The following ATP5MK variants were observed in gnomAD, a reference collection of about 807,000 sequenced individuals.
ATP5MK encodes ATP synthase F(0) complex subunit k, mitochondrial.
A neutral mutation model predicts 6.6 loss-of-function variants in ATP5MK; 5 were observed. The observed-to-expected ratio is 0.76, with a 90% confidence interval of 0.40 to 1.60. The LOEUF (loss-of-function observed/expected upper bound fraction) is 1.60. Among genes scored for constraint, ATP5MK ranks in the 40% most tolerant of loss-of-function variants. The probability of loss-of-function intolerance (pLI) is 0.02; values close to 1 mark genes in which losing one functional copy is unlikely to be tolerated. For missense variants in ATP5MK, 57 were observed against 66.6 expected (o/e 0.86, Z 0.50); for synonymous variants, 30 against 24.5 (o/e 1.22, Z -0.66).
At chr10:103,393,716 C>G (rs1255869248) in intron 2 of ATP5MK, among the ~76,000 whole-genome samples, 4 of 151,924 alleles carry the variant, frequency 2.6e-5, no homozygotes, top group African/African-American at 9.7e-5. Flanking sequence ...AGGAATTTAC[C>G]CTTATTGAAA....
chr10:103,393,157 C>A (rs2093419470), intron 2 of ATP5MK, among the ~76,000 whole-genome samples: 1 of 151,822 alleles, frequency 6.6e-6, no homozygotes, highest in African/African-American at 2.4e-5. Flanking sequence ...AAACATAAAA[C>A]CTATTAGTCA....
chr10:103,390,318 C>A (rs546838886), intron 4 of ATP5MK, among the ~76,000 whole-genome samples: 1 of 151,984 alleles, frequency 6.6e-6, no homozygotes, highest in Non-Finnish European at 1.5e-5. Context: ...ATCACAAAAC[C>A]CTGTCTACCA....
At chr10:103,390,448 C>A (rs981381689) in intron 4 of ATP5MK, among the ~76,000 whole-genome samples, 1 of 151,522 alleles carries the variant, frequency 6.6e-6, no homozygotes, top group African/African-American at 2.4e-5. Flanking sequence ...GATCTGAGAT[C>A]GCACCACTTC....
chr10:103,389,907 T>C (rs1280179557), intron 4 of ATP5MK, among the ~76,000 whole-genome samples: 1 of 150,106 alleles, frequency 6.7e-6, no homozygotes, highest in African/African-American at 2.5e-5. Context: ...AATTTTTATA[T>C]TTTTAGTAGA....
chr10:103,389,059 T>C lies in ATP5MK; in HGVS notation c.*111A>G, dbSNP rs1277204104. The stretch of plus-strand genomic sequence containing the variant: ...AATAAAGACAACCAGCTTTTCCAGG[T>C]TCATAATTTATTGTACAAATTGAAT... On this transcript the variant is annotated 3_prime_UTR_variant, in exon 5 of 5. Transcript: ENST00000369815. 6.6e-6 allele frequency: 1 copy of C among 152,666 alleles called. No homozygotes were observed. Among genetic ancestry groups the C allele is most frequent in the Non-Finnish European group, 1.5e-5 (1 of 68,042 alleles). The allele number at this position is 152,666 out of a possible 1,614,324, so 9.5% of individuals were successfully genotyped here.
rs1411487005 is a variant in ATP5MK, at chr10:103,395,946, T to C, written c.-210A>G. The C allele has an allele frequency of 6.6e-6, 1 of 152,248 alleles. No individual in the cohort carries two copies. Among genetic ancestry groups the C allele is most frequent in the Non-Finnish European group, 1.5e-5 (1 of 68,076 alleles). The allele number at this position is 152,248 out of a possible 1,614,324, so 9.4% of individuals were successfully genotyped here. A position where few individuals can be genotyped will look rare whatever the true frequency, so the allele number is the denominator to read the frequency against. ...GGCGAACTGTAGGGGCCGGGCCACATTCACTCGCTTTGAAAAAGGCTGCAG... is the reference window on the plus strand; with the variant it reads ...GGCGAACTGTAGGGGCCGGGCCACACTCACTCGCTTTGAAAAAGGCTGCAG... On this transcript the variant is annotated 5_prime_UTR_variant, in exon 2 of 5. It removes an upstream start codon present in the reference 5' UTR. Transcript: ENST00000369815.
intron 3 of ATP5MK, 39 bp from the exon 4 acceptor site, chr10:103,392,322 C>T (rs2093417006): frequency 6.3e-7 from 1 of 1,596,330 alleles, no homozygotes; most frequent in East Asian, 2.2e-5. Flanking sequence ...ACTTGTTGTT[C>T]CATCTATATT....
chr10:103,394,461 T>C, intron 2 of ATP5MK: 1 of 419,290 alleles, frequency 2.4e-6, no homozygotes, highest in Non-Finnish European at 5.2e-6. Flanking sequence ...AACTCCCCCA[T>C]TCAAAGGCTT....
At chr10:103,391,949 T>A (rs1468380618) in intron 4 of ATP5MK, among the ~76,000 whole-genome samples, 1 of 152,040 alleles carries the variant, frequency 6.6e-6, no homozygotes, top group African/African-American at 2.4e-5. Context: ...TTGGTAGAGA[T>A]GGGGTTTCAT....
chr10:103,393,972 A>G (rs2093422335), intron 2 of ATP5MK, among the ~76,000 whole-genome samples: 1 of 152,242 alleles, frequency 6.6e-6, no homozygotes, highest in Non-Finnish European at 1.5e-5. Context: ...TCTTGTCCCT[A>G]GACCAGCAGC....
chr10:103,393,353 G>A (rs559001730), intron 2 of ATP5MK, among the ~76,000 whole-genome samples: 7 of 152,196 alleles, frequency 4.6e-5, no homozygotes, highest in East Asian at 3.9e-4. Flanking sequence ...AGGCCAAGGC[G>A]GGTGGATGCG....
chr10:103,391,549 C>T (rs1018264736), intron 4 of ATP5MK, among the ~76,000 whole-genome samples: 2 of 152,160 alleles, frequency 1.3e-5, no homozygotes, highest in Non-Finnish European at 2.9e-5. Flanking sequence ...CTCTTGTCCC[C>T]CAGGCTGGAG....
At chr10:103,395,278 G>C (rs746151739) in intron 2 of ATP5MK, among the ~76,000 whole-genome samples, 43 of 152,118 alleles carry the variant, frequency 2.8e-4, no homozygotes, top group Non-Finnish European at 5.1e-4. Flanking sequence ...GTTGTTAAAC[G>C]GTGGTATGTT....
At chr10:103,394,411 A>G (rs200822287) in intron 2 of ATP5MK, 17 of 505,158 alleles carry the variant, frequency 3.4e-5, no homozygotes. Context: ...GAAATGGAAG[A>G]GGGAGATATC....
chr10:103,391,116 G>A (rs995208074), intron 4 of ATP5MK, among the ~76,000 whole-genome samples: 70 of 152,098 alleles, frequency 4.6e-4, no homozygotes, highest in African/African-American at 1.7e-3. Context: ...AGTAAACACA[G>A]AAAAACATGC....
chr10:103,390,999 C>A (rs1051983252), intron 4 of ATP5MK, among the ~76,000 whole-genome samples: 1 of 152,066 alleles, frequency 6.6e-6, no homozygotes, highest in Non-Finnish European at 1.5e-5. Flanking sequence ...GAAATATTTG[C>A]AACTGATATA....
At chr10:103,390,570 C>T (rs2093411401) in intron 4 of ATP5MK, among the ~76,000 whole-genome samples, 1 of 152,084 alleles carries the variant, frequency 6.6e-6, no homozygotes, top group African/African-American at 2.4e-5. Context: ...GGGCATATCA[C>T]CTGAGGTCAG....
chr10:103,393,579 CA>C (rs959240621), intron 2 of ATP5MK, among the ~76,000 whole-genome samples: 3,476 of 111,856 alleles, frequency 0.031, 123 homozygotes, highest in African/African-American at 0.1. Flanking sequence ...GACGCCGTCT[CA>C]AAAAAAAAAA....
chr10:103,392,479 G>T lies in ATP5MK; in HGVS notation c.-9-13C>A. 6.4e-7 allele frequency: 1 copy of T among 1,557,826 alleles called. No homozygotes were observed. Among genetic ancestry groups the T allele is most frequent in the South Asian group, 1.2e-5 (1 of 83,916 alleles). ...CCATGATTTCAATCTTTTAAAAAAA[G>T]AAAGAAAGCAACATTAAATTGGTTT... On this transcript the variant is annotated splice_polypyrimidine_tract_variant and intron_variant, in intron 2 of 4. Coordinates refer to ENST00000369815, the MANE Select transcript of ATP5MK (RefSeq NM_001206427.2).
Sources: gnomAD v4.1 joint callset for allele counts (sites outside exome capture counted in the v4.1 genomes callset) on GRCh38, gnomAD v4.1.1 for gene constraint, MANE v1.5 for transcripts, NCBI Gene and HGNC (gene_info 2026-07-23, HGNC 2026-07-21) for gene names.